TG: variants seen among roughly 807,000 people sequenced by gnomAD.
TG encodes the protein thyroglobulin.
A neutral mutation model predicts 324.7 loss-of-function variants in TG; 270 were observed. That is an observed-to-expected ratio of 0.83 (90% confidence interval 0.75 to 0.92). The LOEUF (loss-of-function observed/expected upper bound fraction) is 0.92. Among genes scored for constraint, TG ranks in the 40% least tolerant of loss-of-function variants. The pLI is 0.00. For missense variants in TG, 3,591 were observed against 3,456.4 expected (o/e 1.04, Z -0.98); for synonymous variants, 1,401 against 1,327.0 (o/e 1.06, Z -1.21).
chr8:132,983,367 C>T lies in TG; in HGVS notation c.6217C>T (p.Pro2073Ser), dbSNP rs1359001137. 1.2e-6 allele frequency: 2 copies of T among 1,613,962 alleles called. No homozygotes were observed. The highest frequency in any genetic ancestry group is 3.3e-5 in the Admixed American group (2 of 60,000). Residue 2073 changes from proline to serine, a missense_variant, in exon 35 of 48, where the codon CCC (proline) becomes TCC (serine). Transcript: ENST00000220616. ...CTTTTCAGTTGCTCAAAATAATGCT[C>T]CCAGTTTTTGCCCTTTGGTTGTTCT... is the stretch of plus-strand genomic sequence containing the variant. ...YQKPIAQNNA[P>S]SFCPLVVLPS...
Position 132,901,340 on chromosome 8 carries a change from G to A in TG, c.3434-13G>A, listed in dbSNP as rs1157926288. ...ACTGATTCCCCAGCCCATCTGGCTT[G>A]TCTCTGTGTCAGGCCCAAGCCTCTG... is the stretch of plus-strand genomic sequence containing the variant. On this transcript the variant is annotated splice_polypyrimidine_tract_variant and intron_variant, in intron 15 of 47. Transcript: ENST00000220616. 1 of 1,613,962 alleles carries A rather than the reference G, an allele frequency of 6.2e-7. No homozygotes were observed. Among genetic ancestry groups the A allele is most frequent in the African/African-American group, 1.3e-5 (1 of 74,960 alleles).
chr8:133,043,509 G>A (rs1045948320), intron 41 of TG, among the ~76,000 whole-genome samples: 5 of 152,152 alleles, frequency 3.3e-5, no homozygotes, highest in Admixed American at 6.5e-5. Flanking sequence ...CATCTGCTAT[G>A]TGACAGGCTA....
rs574057356 is a variant in TG, at chr8:133,006,946, A to C, written c.6263-4955A>C. Among the ~76,000 whole-genome samples the C allele has an allele frequency of 2.6e-5, 4 of 152,338 alleles. No individual in the cohort carries two copies. The South Asian group carries it at 8.3e-4, about 32-fold the overall frequency. ...ATATGTAGTCAGTTGGAATCTCAGA[A>C]AACCTGGCACGTTTTAAGGTTTCAC... On this transcript the variant is annotated intron_variant, in intron 35 of 47. Coordinates refer to ENST00000220616, the MANE Select transcript of TG (RefSeq NM_003235.5).
At chr8:132,905,989 C>T (rs1172445098) in intron 16 of TG, among the ~76,000 whole-genome samples, 2 of 152,118 alleles carry the variant, frequency 1.3e-5, no homozygotes, top group Non-Finnish European at 1.5e-5. Flanking sequence ...AAGAGGAAGG[C>T]AGGCTCAGCC....
At chr8:133,102,601 A>G (rs377676469) in intron 43 of TG, 3 of 1,549,232 alleles carry the variant, frequency 1.9e-6, no homozygotes, top group Non-Finnish European at 2.6e-6. Flanking sequence ...GCAGCAAATG[A>G]TCTTATTTTC....
At chr8:133,129,948 C>T (rs1851821143) in intron 45 of TG, among the ~76,000 whole-genome samples, 2 of 152,210 alleles carry the variant, frequency 1.3e-5, no homozygotes, top group Admixed American at 1.3e-4. Flanking sequence ...CCTCCCCAAC[C>T]TCCCACAAGT....
chr8:133,120,920 A>G (rs537294247), intron 45 of TG, among the ~76,000 whole-genome samples: 41 of 152,274 alleles, frequency 2.7e-4, no homozygotes, highest in African/African-American at 7.2e-4. Flanking sequence ...CAGAGGAGCA[A>G]TCCTAACAGA....
At chr8:132,898,410 C>G (rs148797697) in intron 13 of TG, among the ~76,000 whole-genome samples, 164 bp downstream of exon 13, 8 of 152,212 alleles carry the variant, frequency 5.3e-5, no homozygotes, top group African/African-American at 1.4e-4. Context: ...TGCAAGCTTG[C>G]GCTGACCTTG....
intron 20 of TG, among the ~76,000 whole-genome samples, chr8:132,915,007 G>A (rs1820083479): frequency 6.6e-6 from 1 of 152,130 alleles, no homozygotes; most frequent in South Asian, 2.1e-4. Context: ...TGTGTGGTGT[G>A]TATACATGTG....
In TG at chr8:132,901,399, A is replaced by G; in HGVS notation, c.3480A>G (p.Arg1160=). ...NVLKSGVLSR[R]VSPGYVPACR... ...TCAAGAGTGGAGTCCTCTCCAGGAG[A>G]GTCAGCCCAGGCTATGTCCCAGCCT... Residue 1160 remains arginine (R), a synonymous_variant, in exon 16 of 48, where the codon AGA becomes AGG. Coordinates refer to ENST00000220616, the MANE Select transcript of TG (RefSeq NM_003235.5). 1.9e-6 allele frequency: 3 copies of G among 1,614,170 alleles called. No individual in the cohort carries two copies. The highest frequency in any genetic ancestry group is 2.5e-6 in the Non-Finnish European group (3 of 1,180,032).
At chr8:133,081,569 T>A (rs7014451) in intron 41 of TG, among the ~76,000 whole-genome samples, 38,893 of 151,870 alleles carry the variant, frequency 0.26, 5,274 homozygotes, top group African/African-American at 0.31. Context: ...GGCCCTAAAA[T>A]TATTCTCAGG....
intron 22 of TG, among the ~76,000 whole-genome samples, chr8:132,926,342 T>C (rs770122516): frequency 2.0e-5 from 3 of 152,248 alleles, no homozygotes; most frequent in Non-Finnish European, 2.9e-5. Flanking sequence ...TTTTCTATGA[T>C]GCTTCTAGAG....
chr8:132,966,604 A>T lies in TG; in HGVS notation c.5593A>T (p.Ile1865Phe). The T allele has an allele frequency of 5.0e-6, 8 of 1,614,100 alleles. No homozygotes were observed. The highest frequency in any genetic ancestry group is 6.8e-6 in the Non-Finnish European group (8 of 1,180,000). The change falls in exon 30 of 48, where the codon ATT becomes TTT. Residue 1865 changes from isoleucine to phenylalanine, a missense_variant. Coordinates refer to ENST00000220616, the MANE Select transcript of TG (RefSeq NM_003235.5). ...CTCCCCTGTGGACCTCAACCAGGTC[A>T]TTGTCAATGGAAATCAATCACTATC... ...LFSPVDLNQV[I>F]VNGNQSLSSQ...
intron 36 of TG, among the ~76,000 whole-genome samples, 199 bp downstream of exon 36, chr8:133,012,234 G>A (rs117729749): frequency 0.019 from 2,954 of 152,270 alleles, 38 homozygotes; most frequent in Middle Eastern, 0.051. Context: ...AAGGGAATAT[G>A]CCAGCCAGAA....
intron 41 of TG, among the ~76,000 whole-genome samples, chr8:133,080,756 C>G (rs1845620283): frequency 6.6e-6 from 1 of 152,238 alleles, no homozygotes. Context: ...TGTAGACAAG[C>G]CCCTCACCTC....
In TG at chr8:133,022,076, T is replaced by G; in HGVS notation, c.6962T>G (p.Phe2321Cys). ...SEGWPAIDGSFLAAVGNLIVV... is the reference protein window; with the variant it reads ...SEGWPAIDGSCLAAVGNLIVV... ...GGATGGCCGGCTATCGACGGCTCCTTCTTGGCTGCTGTTGGCAACCTCATC... is the reference window on the plus strand; with the variant it reads ...GGATGGCCGGCTATCGACGGCTCCTGCTTGGCTGCTGTTGGCAACCTCATC... The change falls in exon 40 of 48, where the codon TTC becomes TGC. Residue 2321 changes from phenylalanine to cysteine, a missense_variant. By Grantham distance (205) the Phe-to-Cys change is radical (BLOSUM62 -2). Coordinates refer to ENST00000220616, the MANE Select transcript of TG (RefSeq NM_003235.5). 1 of 1,614,136 alleles carries G rather than the reference T, an allele frequency of 6.2e-7. No homozygotes were observed.
At chr8:132,943,539 C>A (rs1016391449) in intron 26 of TG, among the ~76,000 whole-genome samples, 3 of 152,200 alleles carry the variant, frequency 2.0e-5, no homozygotes, top group Non-Finnish European at 4.4e-5. Context: ...CCCTGCTCTC[C>A]ACCTGTCACC....
intron 45 of TG, among the ~76,000 whole-genome samples, chr8:133,119,012 G>A (rs954911479): frequency 1.3e-5 from 2 of 152,216 alleles, no homozygotes; most frequent in African/African-American, 4.8e-5. Flanking sequence ...TGGCCACAAG[G>A]AAGGAATGCC....
chr8:133,073,665 TA>T (rs1844418045), intron 41 of TG, among the ~76,000 whole-genome samples: 3 of 152,214 alleles, frequency 2.0e-5, no homozygotes, highest in Non-Finnish European at 4.4e-5. Context: ...CAGCATCTCA[TA>T]GCAAACCACA....
Sources: gnomAD v4.1 joint callset for allele counts (sites outside exome capture counted in the v4.1 genomes callset) on GRCh38, gnomAD v4.1.1 for gene constraint, MANE v1.5 for transcripts, NCBI Gene and HGNC (gene_info 2026-07-23, HGNC 2026-07-21) for gene names.